Variants in FBXW4 observed in about 807,000 individuals in gnomAD.
FBXW4 encodes the protein F-box/WD repeat-containing protein 4.
In FBXW4, 40 loss-of-function variants were observed where a neutral mutation model predicts 61.8. The ratio of observed to expected loss-of-function variants is 0.65; its 90% CI spans 0.50 to 0.84. The LOEUF (loss-of-function observed/expected upper bound fraction) is 0.84, where lower values mean the gene tolerates loss of function less well. FBXW4 is among the 40% of genes least tolerant of loss of function. The probability of loss-of-function intolerance (pLI) is 0.00; values close to 1 mark genes in which losing one functional copy is unlikely to be tolerated. For missense variants in FBXW4, 672 were observed against 753.8 expected (o/e 0.89, Z 1.27); for synonymous variants, 311 against 313.8 (o/e 0.99, Z 0.10).
intron 3 of FBXW4, 130 bp from the exon 4 acceptor site, chr10:101,673,177 G>C: frequency 8.7e-7 from 1 of 1,149,296 alleles, no homozygotes; most frequent in Non-Finnish European, 1.2e-6. Flanking sequence ...ATTCAGCCCA[G>C]TAAGGTGCTG....
At chr10:101,683,312 C>A (rs2064498699) in intron 1 of FBXW4, among the ~76,000 whole-genome samples, 1 of 152,244 alleles carries the variant, frequency 6.6e-6, no homozygotes, top group African/African-American at 2.4e-5. Flanking sequence ...GCACAGAGGA[C>A]CTGGCCCCGT....
chr10:101,670,103 C>T (rs1039502683), intron 4 of FBXW4, among the ~76,000 whole-genome samples: 1 of 152,158 alleles, frequency 6.6e-6, no homozygotes, highest in African/African-American at 2.4e-5. Flanking sequence ...TGGTGATACG[C>T]ATCACAACTT....
At chr10:101,677,183 T>G (rs988325887) in intron 1 of FBXW4, among the ~76,000 whole-genome samples, 1 of 152,204 alleles carries the variant, frequency 6.6e-6, no homozygotes, top group African/African-American at 2.4e-5. Flanking sequence ...CTCTATGACC[T>G]AGGAATAACC....
intron 5 of FBXW4, among the ~76,000 whole-genome samples, chr10:101,662,675 C>T (rs1037427397): frequency 6.6e-6 from 1 of 151,906 alleles, no homozygotes; most frequent in African/African-American, 2.4e-5. Context: ...TGCTAAGCAC[C>T]TTTTTTTTCT....
chr10:101,666,693 G>C (rs988136207), intron 5 of FBXW4, among the ~76,000 whole-genome samples: 1 of 152,152 alleles, frequency 6.6e-6, no homozygotes, highest in Non-Finnish European at 1.5e-5. Flanking sequence ...CTGGGGAGGA[G>C]AGGGATTCTG....
intron 5 of FBXW4, among the ~76,000 whole-genome samples, chr10:101,649,298 G>A (rs2064126775): frequency 1.3e-5 from 2 of 152,276 alleles, no homozygotes; most frequent in South Asian, 2.1e-4. Flanking sequence ...CCTTGGCAGG[G>A]CAGCCCAGGG....
chr10:101,646,548 C>A (rs944064175), intron 5 of FBXW4, among the ~76,000 whole-genome samples: 10 of 152,214 alleles, frequency 6.6e-5, no homozygotes, highest in African/African-American at 9.6e-5. Flanking sequence ...CTGGTCAAGG[C>A]GCCTTTGCTT....
At chr10:101,631,374 A>G (rs1275227390) in intron 5 of FBXW4, among the ~76,000 whole-genome samples, 1 of 152,176 alleles carries the variant, frequency 6.6e-6, no homozygotes, top group East Asian at 1.9e-4. Flanking sequence ...GATGTTCCCA[A>G]ATAATACAAG....
chr10:101,675,798 G>A (rs1050870354), intron 2 of FBXW4, among the ~76,000 whole-genome samples: 2 of 152,160 alleles, frequency 1.3e-5, no homozygotes, highest in African/African-American at 4.8e-5. Flanking sequence ...CAGTGCCACA[G>A]GCATTTTCTA....
At position 101,611,769 on chromosome 10, in the gene FBXW4, C is replaced by T. The variant is rs2063788361; in HGVS notation, c.1443G>A (p.Arg481=). The T allele has an allele frequency of 6.2e-7, 1 of 1,612,816 alleles. No individual in the cohort carries two copies. Among genetic ancestry groups the T allele is most frequent in the Non-Finnish European group, 8.5e-7 (1 of 1,179,122 alleles). ...VRYWDLRTSV[R]KCVMEWEEPH... ...GCTCCTCCCACTCCATGACACATTT[C>T]CTGTCCAGGAAGAGGAGAAGCAGAG... Residue 481 remains arginine (R), a splice_region_variant and synonymous_variant, in exon 8 of 9, where the codon CGG becomes CGA. Transcript: ENST00000331272. The surrounding 1 kb of genome is among the most constrained non-coding windows in gnomAD (Gnocchi z 4.9).
chr10:101,683,301 T>C (rs1226902937), intron 1 of FBXW4, among the ~76,000 whole-genome samples: 2 of 152,240 alleles, frequency 1.3e-5, no homozygotes, highest in Non-Finnish European at 2.9e-5. Context: ...TGGATGTTAA[T>C]GCACAGAGGA....
intron 5 of FBXW4, among the ~76,000 whole-genome samples, chr10:101,638,010 A>G (rs1427460242): frequency 6.6e-6 from 1 of 152,194 alleles, no homozygotes; most frequent in Non-Finnish European, 1.5e-5. Flanking sequence ...GTTTGCGGGT[A>G]TAGAACCTGA....
chr10:101,631,408 A>G (rs1007236321), intron 5 of FBXW4, among the ~76,000 whole-genome samples: 4 of 152,200 alleles, frequency 2.6e-5, no homozygotes, highest in African/African-American at 9.6e-5. Flanking sequence ...ATATACTATT[A>G]TAAGAGAAAA....
chr10:101,630,710 A>G (rs1190886586), intron 5 of FBXW4, among the ~76,000 whole-genome samples: 1 of 152,236 alleles, frequency 6.6e-6, no homozygotes, highest in African/African-American at 2.4e-5. Flanking sequence ...AGGAAGGGGA[A>G]AGACACAGGC....
At chr10:101,668,091 G>A (rs2064323969) in intron 4 of FBXW4, 111 bp from the exon 5 acceptor site, 9 of 800,710 alleles carry the variant, frequency 1.1e-5, no homozygotes, top group Non-Finnish European at 1.7e-5. Context: ...AATCCTTTAT[G>A]CCCTGCACAC....
At chr10:101,651,138 C>T (rs569241996) in intron 5 of FBXW4, among the ~76,000 whole-genome samples, 1 of 152,172 alleles carries the variant, frequency 6.6e-6, no homozygotes, top group African/African-American at 2.4e-5. Flanking sequence ...AGCTCTGTCC[C>T]CCAGGGATTG....
chr10:101,643,412 T>C (rs2064070352), intron 5 of FBXW4, among the ~76,000 whole-genome samples: 2 of 152,238 alleles, frequency 1.3e-5, no homozygotes, highest in African/African-American at 2.4e-5. Context: ...ACATGCCCTC[T>C]GGGTTGTCCT....
chr10:101,656,684 C>T, intron 5 of FBXW4, among the ~76,000 whole-genome samples: 1 of 152,154 alleles, frequency 6.6e-6, no homozygotes, highest in East Asian at 1.9e-4. Flanking sequence ...TATGGCTTTG[C>T]TGTGGGAAGG....
At chr10:101,670,662 T>G (rs1432605077) in intron 4 of FBXW4, among the ~76,000 whole-genome samples, 1 of 152,186 alleles carries the variant, frequency 6.6e-6, no homozygotes, top group Non-Finnish European at 1.5e-5. Context: ...CCCAGGTGCC[T>G]CTGTACCAAG....
Sources: allele counts gnomAD v4.1 joint callset (sites outside exome capture counted in the v4.1 genomes callset), GRCh38; gene constraint gnomAD v4.1.1; non-coding constraint Gnocchi (gnomAD v3.1); transcripts MANE v1.5; gene names NCBI Gene and HGNC (gene_info 2026-07-23, HGNC 2026-07-21).